PHLDB2: variants seen among roughly 807,000 people sequenced by gnomAD.
PHLDB2 encodes the protein pleckstrin homology like domain family B member 2.
In PHLDB2, 71 loss-of-function variants were observed where a neutral mutation model predicts 123.6. The ratio of observed to expected loss-of-function variants is 0.57; its 90% CI spans 0.47 to 0.70. The LOEUF is 0.70. PHLDB2 is among the 30% of genes least tolerant of loss of function. PHLDB2 has a pLI of 0.00. For synonymous variants in PHLDB2, 547 were observed against 541.6 expected, an observed-to-expected ratio of 1.01 and a Z score of -0.14; for missense variants, 1,446 against 1,519.5, an observed-to-expected ratio of 0.95 and a Z score of 0.80.
At chr3:111,910,453 C>T (rs1234935316) in intron 2 of PHLDB2, among the ~76,000 whole-genome samples, 2 of 152,164 alleles carry the variant, frequency 1.3e-5, no homozygotes, top group Non-Finnish European at 2.9e-5. Context: ...TCTCAGAGGG[C>T]AGCCAGCCTC....
rs146806363 is a variant in PHLDB2, at chr3:111,906,142, G to A, written c.1336-7177G>A. Among the ~76,000 whole-genome samples the A allele has an allele frequency of 3.4e-3, 523 of 152,252 alleles. 1 individual carries two copies. Among genetic ancestry groups the A allele is most frequent in the East Asian group, 0.012 (60 of 5,184 alleles). ...TGCTTTGCAAGTTTGTAGCCTAGGCGCAATAAACTATTACAATATAGGCTA... is the reference window on the plus strand; with the variant it reads ...TGCTTTGCAAGTTTGTAGCCTAGGCACAATAAACTATTACAATATAGGCTA... On this transcript the variant is annotated intron_variant, in intron 2 of 17. Transcript: ENST00000431670.
chr3:111,801,697 A>C (rs2108269709), intron 1 of PHLDB2, among the ~76,000 whole-genome samples: 1 of 152,348 alleles, frequency 6.6e-6, no homozygotes, highest in Non-Finnish European at 1.5e-5. Flanking sequence ...AACACCATGA[A>C]TGAACCTTGA....
chr3:111,932,177 T>C (rs1452719252), intron 5 of PHLDB2, 92 bp from the exon 6 acceptor site: 7 of 1,355,188 alleles, frequency 5.2e-6, no homozygotes, highest in Non-Finnish European at 7.0e-6. Flanking sequence ...TTTGTGTATG[T>C]TTGTTTATGT....
chr3:111,824,199 A>G (rs2062540863), intron 1 of PHLDB2, among the ~76,000 whole-genome samples: 1 of 152,098 alleles, frequency 6.6e-6, no homozygotes, highest in Non-Finnish European at 1.5e-5. Flanking sequence ...TCTTCTCCCT[A>G]TAAACAGGTT....
At chr3:111,973,901 A>G (rs2107701064) in intron 17 of PHLDB2, 84 bp downstream of exon 17, 1 of 832,984 alleles carries the variant, frequency 1.2e-6, no homozygotes, top group Non-Finnish European at 2.0e-6. Context: ...GAAGTTTGAA[A>G]TTGATGTTCT....
At chr3:111,919,350 G>C (rs922602090) in intron 4 of PHLDB2, 135 bp downstream of exon 4, 22 of 887,614 alleles carry the variant, frequency 2.5e-5, no homozygotes, top group Non-Finnish European at 3.8e-5. Context: ...TGGGTTCCCT[G>C]TATAGAGTGA....
intron 2 of PHLDB2, among the ~76,000 whole-genome samples, chr3:111,913,097 C>T (rs1399951313): frequency 6.6e-5 from 10 of 152,152 alleles, no homozygotes; most frequent in African/African-American, 2.4e-4. Flanking sequence ...AGAGTAGAAG[C>T]CAGAATTGAG....
At chr3:111,876,167 C>T (rs541026248) in intron 1 of PHLDB2, among the ~76,000 whole-genome samples, 1 of 152,214 alleles carries the variant, frequency 6.6e-6, no homozygotes, top group Non-Finnish European at 1.5e-5. Flanking sequence ...TTATCAGATT[C>T]AGAATGTGTT....
intron 3 of PHLDB2, among the ~76,000 whole-genome samples, chr3:111,918,069 A>G (rs896321757): frequency 1.7e-4 from 26 of 152,228 alleles, no homozygotes; most frequent in African/African-American, 5.1e-4. Flanking sequence ...GACATATAGT[A>G]TATATAGAAA....
At chr3:111,810,555 C>T (rs1262307996) in intron 1 of PHLDB2, among the ~76,000 whole-genome samples, 3 of 152,178 alleles carry the variant, frequency 2.0e-5, no homozygotes, top group Non-Finnish European at 2.9e-5. Context: ...CCTTTTAAGA[C>T]CACTAATCCT....
At chr3:111,964,188 C>T (rs1055716962) in intron 13 of PHLDB2, among the ~76,000 whole-genome samples, 5 of 152,004 alleles carry the variant, frequency 3.3e-5, no homozygotes, top group African/African-American at 1.2e-4. Context: ...TTGTGTAAAG[C>T]AACTGTGGAA....
intron 1 of PHLDB2, among the ~76,000 whole-genome samples, chr3:111,767,187 G>A (rs1441417904): frequency 6.6e-6 from 1 of 152,094 alleles, no homozygotes; most frequent in South Asian, 2.1e-4. Flanking sequence ...GGGTAGTCTG[G>A]GTGTCTCTGA....
At chr3:111,826,601 A>G (rs1445808361) in intron 1 of PHLDB2, among the ~76,000 whole-genome samples, 1 of 152,212 alleles carries the variant, frequency 6.6e-6, no homozygotes, top group African/African-American at 2.4e-5. Flanking sequence ...CTATCAGGTA[A>G]GTAGAGTTCT....
chr3:111,849,940 C>A (rs2064176613), intron 2 of PHLDB2, among the ~76,000 whole-genome samples: 3 of 151,774 alleles, frequency 2.0e-5, no homozygotes, highest in Admixed American at 6.6e-5. Flanking sequence ...CGGCTCACTG[C>A]AAGCTCCGCC....
intron 1 of PHLDB2, chr3:111,845,788 A>G: frequency 6.2e-6 from 10 of 1,608,734 alleles, no homozygotes; most frequent in South Asian, 5.5e-5. Context: ...CAGCTTTCCA[A>G]TCATGGTACC....
At chr3:111,745,493 T>TG (rs2059666171) in intron 1 of PHLDB2, among the ~76,000 whole-genome samples, 1 of 152,172 alleles carries the variant, frequency 6.6e-6, no homozygotes, top group Non-Finnish European at 1.5e-5. Flanking sequence ...CCAGGTGTGG[T>TG]GGCTTACACC....
At chr3:111,944,370 C>CTT (rs34781537) in intron 8 of PHLDB2, among the ~76,000 whole-genome samples, 10 of 149,946 alleles carry the variant, frequency 6.7e-5, no homozygotes, top group East Asian at 2.0e-4. Flanking sequence ...ACTGAATGCA[C>CTT]TTTTTTTTTT....
chr3:111,911,240 A>G (rs972736282), intron 2 of PHLDB2, among the ~76,000 whole-genome samples: 2 of 152,222 alleles, frequency 1.3e-5, no homozygotes, highest in African/African-American at 4.8e-5. Context: ...CTTTCAGATA[A>G]TCCCAAATAT....
Position 111,918,027 on chromosome 3 carries a change from G to A in PHLDB2, c.1720-1045G>A, listed in dbSNP as rs538921379. 1.1e-4 allele frequency among the ~76,000 whole-genome samples: 17 copies of A among 152,084 alleles called. No individual in the cohort carries two copies. In the South Asian group the frequency reaches 2.3e-3, roughly 20 times the overall value. ...AAAAAAATTACTTCTTTTTCAAAAA[G>A]GGATAATTTAAATAAATAATACATT... On this transcript the variant is annotated intron_variant, in intron 3 of 17. Coordinates refer to ENST00000431670, the MANE Select transcript of PHLDB2 (RefSeq NM_001134438.2).
Sources: gnomAD v4.1 joint callset for allele counts (sites outside exome capture counted in the v4.1 genomes callset) on GRCh38, gnomAD v4.1.1 for gene constraint, MANE v1.5 for transcripts, NCBI Gene and HGNC (gene_info 2026-07-23, HGNC 2026-07-21) for gene names.